The following ASTN2 variants were observed in gnomAD, a reference collection of about 807,000 sequenced individuals.
ASTN2 encodes astrotactin 2, also known as astrotactin-2.
In ASTN2, 54 loss-of-function variants were observed where a neutral mutation model predicts 139.8. That is an observed-to-expected ratio of 0.39 (90% CI 0.31 to 0.48). The LOEUF is 0.48. ASTN2 is among the 20% of genes least tolerant of loss of function. ASTN2 has a pLI of 0.95. For synonymous variants in ASTN2, 756 were observed against 719.5 expected (o/e 1.05, Z -0.81); for missense variants, 1,565 against 1,725.1 (o/e 0.91, Z 1.64).
intron 13 of ASTN2, among the ~76,000 whole-genome samples, chr9:116,801,585 CAAAAAAAAAAAA>C (rs397893932): frequency 5.0e-5 from 3 of 60,366 alleles, no homozygotes; most frequent in African/African-American, 1.8e-4. Context: ...GGCTCTGTCT[CAAAAAAAAAAAA>C]AAAAAAAAAA....
intron 16 of ASTN2, among the ~76,000 whole-genome samples, chr9:116,652,327 GA>G (rs1454825730): frequency 6.6e-6 from 1 of 152,016 alleles, no homozygotes; most frequent in Non-Finnish European, 1.5e-5. Context: ...TTCCATCTCA[GA>G]ATAAATAAAT....
At chr9:117,298,998 T>C (rs1834809552) in intron 1 of ASTN2, among the ~76,000 whole-genome samples, 2 of 152,098 alleles carry the variant, frequency 1.3e-5, no homozygotes, top group South Asian at 4.1e-4. Context: ...GAAATTTACC[T>C]AACATCCTGG....
At chr9:117,108,167 C>T (rs534421013) in intron 4 of ASTN2, among the ~76,000 whole-genome samples, 2 of 152,220 alleles carry the variant, frequency 1.3e-5, no homozygotes, top group East Asian at 1.9e-4. Flanking sequence ...AAAGATTGCA[C>T]AGCCAGTACA....
At chr9:116,898,424 G>A (rs1319352846) in intron 10 of ASTN2, among the ~76,000 whole-genome samples, 5 of 92,980 alleles carry the variant, frequency 5.4e-5, no homozygotes, top group Non-Finnish European at 2.3e-5. Context: ...AAAAAAAAAA[G>A]AGTTTGGAAA....
At chr9:117,291,255 C>A in intron 2 of ASTN2, 71 bp downstream of exon 2, 8 of 1,548,182 alleles carry the variant, frequency 5.2e-6, no homozygotes, top group Non-Finnish European at 7.0e-6. Flanking sequence ...CAATCCCCCG[C>A]CCCCTCCATC....
chr9:116,428,550 G>C (rs1847384923), intron 22 of ASTN2, among the ~76,000 whole-genome samples: 1 of 151,714 alleles, frequency 6.6e-6, no homozygotes, highest in South Asian at 2.1e-4. Context: ...AAAGGTAAAA[G>C]CATAGAGACA....
chr9:117,137,887 C>CT (rs1021782077), intron 4 of ASTN2, among the ~76,000 whole-genome samples: 50 of 152,222 alleles, frequency 3.3e-4, no homozygotes, highest in African/African-American at 1.2e-3. Flanking sequence ...TTGGAAATTG[C>CT]TTTAATAGCA....
At chr9:116,486,236 A>G (rs554761167) in intron 20 of ASTN2, among the ~76,000 whole-genome samples, 1 of 152,380 alleles carries the variant, frequency 6.6e-6, no homozygotes, top group South Asian at 2.1e-4. Context: ...AGTCTCATTC[A>G]TATCCACAGT....
At chr9:116,958,864 T>C (rs2132499392) in intron 10 of ASTN2, among the ~76,000 whole-genome samples, 1 of 152,244 alleles carries the variant, frequency 6.6e-6, no homozygotes, top group South Asian at 2.1e-4. Flanking sequence ...TTGGACTTAT[T>C]ACAAAGGCAA....
At chr9:116,501,797 C>T (rs35453327) in intron 19 of ASTN2, among the ~76,000 whole-genome samples, 1 of 151,772 alleles carries the variant, frequency 6.6e-6, no homozygotes, top group African/African-American at 2.4e-5. Context: ...TCACATGTAT[C>T]CATATGTAAC....
At chr9:117,374,868 A>G (rs1830080795) in intron 1 of ASTN2, among the ~76,000 whole-genome samples, 2 of 152,204 alleles carry the variant, frequency 1.3e-5, no homozygotes, top group Admixed American at 1.3e-4. Flanking sequence ...AAGCCTGACT[A>G]TCTGGACAAA....
intron 3 of ASTN2, among the ~76,000 whole-genome samples, chr9:117,154,292 T>G (rs1270320056): frequency 3.3e-5 from 5 of 152,076 alleles, no homozygotes; most frequent in Non-Finnish European, 7.4e-5. Context: ...ATAATTTCCA[T>G]TTCCCATTTC....
intron 19 of ASTN2, among the ~76,000 whole-genome samples, chr9:116,489,311 T>TTTTA (rs1266161526): frequency 6.6e-6 from 1 of 152,016 alleles, no homozygotes; most frequent in East Asian, 1.9e-4. Context: ...TCATTCTTTA[T>TTTTA]TTTATTTATT....
intron 19 of ASTN2, among the ~76,000 whole-genome samples, chr9:116,555,689 G>A (rs977103029): frequency 2.6e-5 from 4 of 152,146 alleles, no homozygotes; most frequent in African/African-American, 7.2e-5. Context: ...ATTTTTCCAT[G>A]GATTTAACAT....
At chr9:117,227,481 T>C (rs1479546219) in intron 2 of ASTN2, among the ~76,000 whole-genome samples, 2 of 152,124 alleles carry the variant, frequency 1.3e-5, no homozygotes, top group Non-Finnish European at 2.9e-5. Flanking sequence ...GATGGGTGGA[T>C]GGATGGATGG....
At chr9:116,695,525 A>G (rs1860802149) in intron 16 of ASTN2, among the ~76,000 whole-genome samples, 1 of 152,204 alleles carries the variant, frequency 6.6e-6, no homozygotes, top group East Asian at 1.9e-4. Flanking sequence ...CTATGCCTGG[A>G]GAAAGAGTTG....
In ASTN2 at chr9:117,379,380, G is replaced by A. The variant is rs545888646; in HGVS notation, c.442+35117C>T. Among the ~76,000 whole-genome samples the A allele has an allele frequency of 2.6e-5, 4 of 152,210 alleles. No individual in the cohort carries two copies. In the South Asian group the frequency reaches 8.3e-4, roughly 32 times the overall value. On this transcript the variant is annotated intron_variant, in intron 1 of 22. Coordinates refer to ENST00000313400, the MANE Select transcript of ASTN2 (RefSeq NM_001365068.1). Reference sequence around the variant, plus strand: ...ACTAAACTACCACCCACTGACTCAGGGAGAACTAGCCCCAGGTTTATGTAG... The same window carrying A: ...ACTAAACTACCACCCACTGACTCAGAGAGAACTAGCCCCAGGTTTATGTAG...
intron 6 of ASTN2, among the ~76,000 whole-genome samples, chr9:117,031,347 TG>T (rs1211353283): frequency 6.6e-6 from 1 of 152,178 alleles, no homozygotes; most frequent in Non-Finnish European, 1.5e-5. Context: ...TCAGAATCCC[TG>T]TTAGGCATCA....
chr9:116,515,343 G>C (rs1850599298), intron 19 of ASTN2, among the ~76,000 whole-genome samples: 2 of 152,188 alleles, frequency 1.3e-5, no homozygotes, highest in Admixed American at 1.3e-4. Flanking sequence ...GTGAGATCTA[G>C]ATGTGAGGGA....
Sources: allele counts gnomAD v4.1 joint callset (sites outside exome capture counted in the v4.1 genomes callset), GRCh38; gene constraint gnomAD v4.1.1; transcripts MANE v1.5; gene names NCBI Gene and HGNC (gene_info 2026-07-23, HGNC 2026-07-21).